The following MON1A variants were observed in gnomAD, a reference collection of about 807,000 sequenced individuals.
The protein encoded by MON1A is vacuolar fusion protein MON1 homolog A.
A neutral mutation model predicts 44.6 loss-of-function variants in MON1A; 29 were observed. The observed-to-expected ratio is 0.65, with a 90% CI of 0.48 to 0.89. The LOEUF (loss-of-function observed/expected upper bound fraction) is 0.89, where lower values mean the gene tolerates loss of function less well. Among genes scored for constraint, MON1A ranks in the 40% least tolerant of loss-of-function variants. MON1A has a pLI of 0.00. For missense variants in MON1A, 615 were observed against 759.6 expected (o/e 0.81, Z 2.24); for synonymous variants, 275 against 316.4 (o/e 0.87, Z 1.39).
At position 49,911,696 on chromosome 3, in the gene MON1A, G is replaced by C; in HGVS notation, c.443C>G (p.Thr148Arg). The C allele has an allele frequency of 6.2e-7, 1 of 1,614,074 alleles. No individual in the cohort carries two copies. The highest frequency in any genetic ancestry group is 8.5e-7 in the Non-Finnish European group (1 of 1,180,012). ...CTTCTGGTGCAGGCGCCATGCCTCC[G>C]TGGCATCCTCCTCATCCCCCTCGGT... ...GTTEGDEEDA[T>R]EAWRLHQKHV... The change falls in exon 3 of 6, where the codon ACG (threonine) becomes AGG (arginine). Residue 148 changes from threonine to arginine, a missense_variant. Thr to Arg is a moderately conservative substitution (Grantham distance 71). Coordinates refer to ENST00000296473, the MANE Select transcript of MON1A (RefSeq NM_032355.4). This position sits in a 1 kb window ranked among gnomAD's most constrained non-coding sequence, Gnocchi z 5.7.
At chr3:49,917,706 CA>C (rs1348875094) in intron 1 of MON1A, among the ~76,000 whole-genome samples, 3 of 152,120 alleles carry the variant, frequency 2.0e-5, no homozygotes, top group Non-Finnish European at 1.5e-5. Context: ...GCACTATCAG[CA>C]AATGACCTTG....
In MON1A at chr3:49,910,433, G is replaced by A; in HGVS notation, c.1065C>T (p.Ser355=). The A allele has an allele frequency of 6.2e-7, 1 of 1,614,248 alleles. No homozygotes were observed. The highest frequency in any genetic ancestry group is 8.5e-7 in the Non-Finnish European group (1 of 1,180,048). ...LHLLFNLISS[S]SSFREGEAWT... Reference sequence around the variant, plus strand: ...AGGCCTCGCCCTCGCGAAAGGACGAGGAGGAACTAATGAGGTTGAAGAGCA... The same window carrying A: ...AGGCCTCGCCCTCGCGAAAGGACGAAGAGGAACTAATGAGGTTGAAGAGCA... The change falls in exon 4 of 6, where the codon TCC becomes TCT. Residue 355 remains serine, a synonymous_variant. Transcript: ENST00000296473. This position sits in a 1 kb window ranked among gnomAD's most constrained non-coding sequence, Gnocchi z 8.0.
Position 49,909,649 on chromosome 3 carries a change from G to C in MON1A, c.1380-249C>G. On this transcript the variant is annotated intron_variant, in intron 4 of 5. Coordinates refer to ENST00000296473, the MANE Select transcript of MON1A (RefSeq NM_032355.4). The surrounding 1 kb of genome is among the most constrained non-coding windows in gnomAD (Gnocchi z 4.0). ...TAGTGTCTTTGGTGACCCCTCTTTG[G>C]AGAGGCCAGGTTGAGTTTAGATGTC... 1 of 516,548 alleles carries C rather than the reference G, an allele frequency of 1.9e-6. No individual in the cohort carries two copies. Among genetic ancestry groups the C allele is most frequent in the Non-Finnish European group, 3.4e-6 (1 of 291,192 alleles). The allele number at this position is 516,548 out of a possible 1,614,324, so 32.0% of individuals were successfully genotyped here.
chr3:49,913,249 G>A lies in MON1A; in HGVS notation c.98C>T (p.Thr33Ile). 2 of 1,614,236 alleles carry A rather than the reference G, an allele frequency of 1.2e-6. No individual in the cohort carries two copies. Among genetic ancestry groups the A allele is most frequent in the Non-Finnish European group, 1.7e-6 (2 of 1,180,030 alleles). Residue 33 changes from threonine to isoleucine, a missense_variant, in exon 2 of 6, where the codon ACA becomes ATA. By Grantham distance (89) the Thr-to-Ile change is moderately conservative. Coordinates refer to ENST00000296473, the MANE Select transcript of MON1A (RefSeq NM_032355.4). Reference sequence around the variant, plus strand: ...CTCCATTCCCTGGGCCATTCCTGGTGTGGGGCTCTCAGCTCTCTCCATACT... The same window carrying A: ...CTCCATTCCCTGGGCCATTCCTGGTATGGGGCTCTCAGCTCTCTCCATACT... The part of the protein sequence containing the change: ...GQSMERAESP[T>I]PGMAQGMEPG...
At position 49,929,803 on chromosome 3, in the gene MON1A, C is replaced by T; in HGVS notation, c.-208G>A. On this transcript the variant is annotated 5_prime_UTR_variant, in exon 1 of 6. Transcript: ENST00000296473. ...CACCGCCCTCACCCGGCCGCCGGTG[C>T]AGGAAGATAGCTTTCGCCGGCCTCT... The T allele has an allele frequency of 6.5e-7, 1 of 1,547,470 alleles. No homozygotes were observed.
chr3:49,928,516 C>T (rs559546358), intron 1 of MON1A, among the ~76,000 whole-genome samples: 3 of 152,260 alleles, frequency 2.0e-5, no homozygotes, highest in African/African-American at 4.8e-5. Flanking sequence ...GCAATGTCAC[C>T]AAACAAGTTG....
intron 1 of MON1A, among the ~76,000 whole-genome samples, chr3:49,922,361 C>T (rs377274829): frequency 2.0e-5 from 3 of 151,986 alleles, no homozygotes; most frequent in Admixed American, 6.6e-5. Flanking sequence ...GCAGGAGAAT[C>T]GCTTGAACCT....
rs1413581426 is a variant in MON1A, at chr3:49,911,898, G to A, written c.241C>T (p.Pro81Ser). 1.2e-6 allele frequency: 2 copies of A among 1,613,956 alleles called. No homozygotes were observed. The highest frequency in any genetic ancestry group is 2.7e-5 in the African/African-American group (2 of 75,062). ...TGGCGCATGTCTGTAGGCAGCGGCG[G>A]GGGACCCCTGGTACCCTCCTTGTGG... ...DSHKEGTRGP[P>S]PLPTDMRQIS... is the part of the protein sequence containing the mutation. The change falls in exon 3 of 6, where the codon CCG (proline) becomes TCG (serine). Residue 81 changes from proline to serine, a missense_variant. Coordinates refer to ENST00000296473, the MANE Select transcript of MON1A (RefSeq NM_032355.4). The surrounding 1 kb of genome is among the most constrained non-coding windows in gnomAD (Gnocchi z 5.7).
Position 49,912,019 on chromosome 3 carries a change from C to A in MON1A, c.128-8G>T. 1 of 1,558,342 alleles carries A rather than the reference C, an allele frequency of 6.4e-7. No individual in the cohort carries two copies. Among genetic ancestry groups the A allele is most frequent in the Non-Finnish European group, 8.7e-7 (1 of 1,150,400 alleles). On this transcript the variant is annotated splice_polypyrimidine_tract_variant and splice_region_variant and intron_variant, in intron 2 of 5. Transcript: ENST00000296473. ...CACCCTCCTGGCCCGCACCTGCAGG[C>A]CAAAAGCACTGGTGCTTAGAGGGGT...
At chr3:49,925,710 G>T (rs139541145) in intron 1 of MON1A, among the ~76,000 whole-genome samples, 39 of 152,244 alleles carry the variant, frequency 2.6e-4, no homozygotes, top group African/African-American at 8.7e-4. Flanking sequence ...CTGTACTCCA[G>T]CCTGGGCAAC....
chr3:49,922,437 G>A (rs573318207), intron 1 of MON1A, among the ~76,000 whole-genome samples: 3 of 151,050 alleles, frequency 2.0e-5, no homozygotes, highest in Non-Finnish European at 3.0e-5. Flanking sequence ...GGTTGAGATC[G>A]TGCCACCACA....
rs1234549337 is a variant in MON1A at position 49,910,742 on chromosome 3, C to T, written c.756G>A (p.Leu252=). ...TCTGCTTCTGCTGGAAGATGTGGCT[C>T]AGCTGCGCACCGGTAAGAAGGCTTA... ...QILSLLTGAQ[L]SHIFQQKQNY... is the part of the protein sequence containing the mutation. Residue 252 remains leucine, a synonymous_variant, in exon 4 of 6, where the codon CTG becomes CTA. Coordinates refer to ENST00000296473, the MANE Select transcript of MON1A (RefSeq NM_032355.4). The surrounding 1 kb of genome is among the most constrained non-coding windows in gnomAD (Gnocchi z 8.0). 1.2e-6 allele frequency: 2 copies of T among 1,614,090 alleles called. No individual in the cohort carries two copies. The highest frequency in any genetic ancestry group is 1.7e-6 in the Non-Finnish European group (2 of 1,179,986).
At chr3:49,915,241 CTCTGTA>C (rs1326055129) in intron 1 of MON1A, among the ~76,000 whole-genome samples, 1 of 152,204 alleles carries the variant, frequency 6.6e-6, no homozygotes, top group Non-Finnish European at 1.5e-5. Flanking sequence ...GTTGAAACAA[CTCTGTA>C]TCCTGTATCC....
At chr3:49,913,174 G>A in intron 2 of MON1A, 46 bp downstream of exon 2, 2 of 1,613,900 alleles carry the variant, frequency 1.2e-6, no homozygotes, top group Non-Finnish European at 1.7e-6. Flanking sequence ...TCCCCCTGGA[G>A]ACTGCTCTGG....
At chr3:49,927,241 C>A (rs1028974509) in intron 1 of MON1A, among the ~76,000 whole-genome samples, 1 of 152,224 alleles carries the variant, frequency 6.6e-6, no homozygotes, top group Non-Finnish European at 1.5e-5. Flanking sequence ...TGTTCAGGAA[C>A]AATGGCTCCG....
At chr3:49,927,133 T>C (rs1401445995) in intron 1 of MON1A, among the ~76,000 whole-genome samples, 3 of 152,142 alleles carry the variant, frequency 2.0e-5, no homozygotes, top group African/African-American at 7.2e-5. Context: ...AAGGGAAAAC[T>C]GAAAGATCTC....
chr3:49,920,920 G>A (rs1373535429), intron 1 of MON1A, among the ~76,000 whole-genome samples: 2 of 151,886 alleles, frequency 1.3e-5, no homozygotes, highest in African/African-American at 4.8e-5. Flanking sequence ...CACTTTGGGA[G>A]GCCAAAGCAA....
intron 1 of MON1A, among the ~76,000 whole-genome samples, chr3:49,914,078 TTTC>T (rs1209116849): frequency 1.9e-4 from 29 of 151,264 alleles, no homozygotes; most frequent in Admixed American, 7.2e-4. Context: ...CTAATTTTCT[TTTC>T]TTCTTCTTCT....
rs1240405547 is a variant in MON1A at position 49,910,337 on chromosome 3, A to C, written c.1161T>G (p.Pro387=). ...CAAGCAGCAGGCAGAGGTCAGTGTC[A>C]GGCTCTAGGTAAGAGATGTGTGCGT... ...FFHAHISYLE[P]DTDLCLLLVS... is the part of the protein sequence containing the mutation. The change falls in exon 4 of 6, where the codon CCT becomes CCG. Residue 387 remains proline (P), a synonymous_variant. Coordinates refer to ENST00000296473, the MANE Select transcript of MON1A (RefSeq NM_032355.4). The surrounding 1 kb of genome is among the most constrained non-coding windows in gnomAD (Gnocchi z 8.0). 6.2e-7 allele frequency: 1 copy of C among 1,614,220 alleles called. No individual in the cohort carries two copies. The highest frequency in any genetic ancestry group is 1.7e-5 in the Admixed American group (1 of 60,028).
Sources: gnomAD v4.1 joint callset for allele counts (sites outside exome capture counted in the v4.1 genomes callset) on GRCh38, gnomAD v4.1.1 for gene constraint, Gnocchi (gnomAD v3.1) non-coding constraint, MANE v1.5 for transcripts, NCBI Gene and HGNC (gene_info 2026-07-23, HGNC 2026-07-21) for gene names.